ST8SIA5: variants seen among roughly 807,000 people sequenced by gnomAD.
ST8SIA5 encodes ST8 alpha-N-acetyl-neuraminide alpha-2,8-sialyltransferase 5.
In ST8SIA5, 24 loss-of-function variants were observed where a neutral mutation model predicts 40.2. The ratio of observed to expected loss-of-function variants is 0.60; its 90% CI spans 0.43 to 0.84. ST8SIA5 has a LOEUF of 0.84. ST8SIA5 is among the 40% of genes least tolerant of loss of function. The pLI is 0.00. For missense variants in ST8SIA5, 465 were observed against 498.5 expected (o/e 0.93, Z 0.64); for synonymous variants, 198 against 201.8 (o/e 0.98, Z 0.16).
intron 1 of ST8SIA5, among the ~76,000 whole-genome samples, chr18:46,722,570 T>C (rs1182209360): frequency 1.3e-5 from 2 of 152,214 alleles, no homozygotes; most frequent in African/African-American, 4.8e-5. Context: ...TGGTGCCCGC[T>C]TAATTGCCCC....
At chr18:46,745,339 A>G (rs1355549846) in intron 1 of ST8SIA5, among the ~76,000 whole-genome samples, 1 of 152,224 alleles carries the variant, frequency 6.6e-6, no homozygotes, top group Non-Finnish European at 1.5e-5. Flanking sequence ...AAAGAAAAAA[A>G]AGAGAGAAGA....
At chr18:46,686,763 C>T (rs2039452224) in intron 4 of ST8SIA5, among the ~76,000 whole-genome samples, 1 of 148,598 alleles carries the variant, frequency 6.7e-6, no homozygotes, top group African/African-American at 2.5e-5. Flanking sequence ...ACAGGGGCCT[C>T]TCACAGCCAG....
rs1417645798 is a variant in ST8SIA5, at chr18:46,669,698, C to T, written c.*10344G>A. The T allele has an allele frequency of 6.6e-6, 1 of 152,108 alleles. No homozygotes were observed. The highest frequency in any genetic ancestry group is 6.5e-5 in the Admixed American group (1 of 15,276). The allele number at this position is 152,108 out of a possible 1,614,324, so 9.4% of individuals were successfully genotyped here. On this transcript the variant is annotated 3_prime_UTR_variant, in exon 7 of 7. Coordinates refer to ENST00000315087, the MANE Select transcript of ST8SIA5 (RefSeq NM_013305.6). ...AGATGGGAAGGTGGAAGGGGCTTGT[C>T]CCCCCACCACCTGCCCTTTTTTCTT...
intron 1 of ST8SIA5, among the ~76,000 whole-genome samples, chr18:46,743,019 A>T (rs2040102412): frequency 6.6e-6 from 1 of 150,918 alleles, no homozygotes. Context: ...AAATAGCATC[A>T]ACATCAACAA....
At chr18:46,720,217 A>G (rs1250929621) in intron 1 of ST8SIA5, among the ~76,000 whole-genome samples, 1 of 152,036 alleles carries the variant, frequency 6.6e-6, no homozygotes, top group African/African-American at 2.4e-5. Context: ...TTGCTGACTT[A>G]CCTAGACTGC....
At position 46,728,099 on chromosome 18, in the gene ST8SIA5, G is replaced by A. The variant is rs1444785905; in HGVS notation, c.132-23435C>T. Among the ~76,000 whole-genome samples the A allele has an allele frequency of 4.0e-5, 6 of 151,750 alleles. No individual in the cohort carries two copies. The South Asian group carries it at 1.2e-3, about 32-fold the overall frequency. On this transcript the variant is annotated intron_variant, in intron 1 of 6. Coordinates refer to ENST00000315087, the MANE Select transcript of ST8SIA5 (RefSeq NM_013305.6). Reference sequence around the variant, plus strand: ...AGTCCCAGCTACTCAGGAGGCTGAGGCAGGAGAATCGCTTGAACCCAGGAG... The same window carrying A: ...AGTCCCAGCTACTCAGGAGGCTGAGACAGGAGAATCGCTTGAACCCAGGAG...
chr18:46,697,902 T>A (rs548683707), intron 2 of ST8SIA5, among the ~76,000 whole-genome samples: 2 of 152,084 alleles, frequency 1.3e-5, no homozygotes, highest in East Asian at 1.9e-4. Flanking sequence ...GAAAAAAAAA[T>A]GGATACTTCC....
At chr18:46,699,927 G>T (rs1408752131) in intron 2 of ST8SIA5, among the ~76,000 whole-genome samples, 1 of 152,184 alleles carries the variant, frequency 6.6e-6, no homozygotes, top group Non-Finnish European at 1.5e-5. Context: ...TTTGCTCCCA[G>T]CCTCTTTCTT....
rs1826216547 is a variant in ST8SIA5, at chr18:46,679,740, C to T, written c.*302G>A. 6 of 426,036 alleles carry T rather than the reference C, an allele frequency of 1.4e-5. No individual in the cohort carries two copies. In the South Asian group the frequency reaches 1.8e-4, roughly 13 times the overall value. The allele number at this position is 426,036 out of a possible 1,614,324, so 26.4% of individuals were successfully genotyped here. A position where few individuals can be genotyped will look rare whatever the true frequency, so the allele number is the denominator to read the frequency against. ...ATTGGGTGGAAATGTGCTTTATTCACTTGCCGTCCCCAGGGCCCCTGATCT... is the reference window on the plus strand; with the variant it reads ...ATTGGGTGGAAATGTGCTTTATTCATTTGCCGTCCCCAGGGCCCCTGATCT... On this transcript the variant is annotated 3_prime_UTR_variant, in exon 7 of 7. Transcript: ENST00000315087.
chr18:46,686,211 A>G lies in ST8SIA5; in HGVS notation c.532T>C (p.Cys178Arg). 6.2e-7 allele frequency: 1 copy of G among 1,614,166 alleles called. No individual in the cohort carries two copies. The highest frequency in any genetic ancestry group is 2.2e-5 in the East Asian group (1 of 44,876). The change falls in exon 5 of 7, where the codon TGC (cysteine) becomes CGC (arginine). Residue 178 changes from cysteine to arginine, a missense_variant. Physicochemically the swap from Cys to Arg is radical, Grantham distance 180. Coordinates refer to ENST00000315087, the MANE Select transcript of ST8SIA5 (RefSeq NM_013305.6). ...GNGGILKNSR[C>R]GREINSADFV... is the part of the protein sequence containing the mutation. ...TCGGCGCTGTTGATCTCCCTCCCGC[A>G]GCGGCTGTTCTTCAAGATGCCTCCG...
intron 1 of ST8SIA5, among the ~76,000 whole-genome samples, chr18:46,743,364 C>T (rs1187226659): frequency 6.6e-6 from 1 of 152,102 alleles, no homozygotes; most frequent in East Asian, 1.9e-4. Context: ...GTAGAGAAGA[C>T]CTTAAATGAC....
At chr18:46,725,972 A>AAAATATATATATAT (rs59660372) in intron 1 of ST8SIA5, among the ~76,000 whole-genome samples, 1 of 29,090 alleles carries the variant, frequency 3.4e-5, no homozygotes, top group Non-Finnish European at 6.0e-5. Context: ...AAAAAAAAAA[A>AAAATATATATATAT]ATATATATAT....
intron 2 of ST8SIA5, among the ~76,000 whole-genome samples, chr18:46,700,960 C>T (rs1029403715): frequency 3.9e-5 from 6 of 152,020 alleles, no homozygotes; most frequent in African/African-American, 1.4e-4. Flanking sequence ...TGACACTGAA[C>T]AGTGTTTGTG....
chr18:46,724,454 C>T (rs1182225321), intron 1 of ST8SIA5, among the ~76,000 whole-genome samples: 4 of 152,256 alleles, frequency 2.6e-5, no homozygotes, highest in Non-Finnish European at 4.4e-5. Flanking sequence ...GTTCTTAGTC[C>T]ATTCAAAACA....
chr18:46,686,247 C>T lies in ST8SIA5; in HGVS notation c.496G>A (p.Val166Ile), dbSNP rs2039445997. ...YYRSQFKKCA[V>I]VGNGGILKNS... ...TTCAAGATGCCTCCGTTGCCCACTA[C>T]AGCACACTTCTTAAACTGGGACCGG... Residue 166 changes from valine (V) to isoleucine (I), a missense_variant, in exon 5 of 7, where the codon GTA becomes ATA. Transcript: ENST00000315087. 6.2e-7 allele frequency: 1 copy of T among 1,614,190 alleles called. No homozygotes were observed. Among genetic ancestry groups the T allele is most frequent in the Non-Finnish European group, 8.5e-7 (1 of 1,180,020 alleles).
At position 46,710,409 on chromosome 18, in the gene ST8SIA5, TTC is replaced by T. The variant is rs139196666; in HGVS notation, c.132-5747_132-5746del. On this transcript the variant is annotated intron_variant, in intron 1 of 6. Transcript: ENST00000315087. ...TTTCTTTCTTTCTTTCTTTCTTTCT[TTC>T]TTTCTTTTTCTTTCTCTCTCTTTCT... Among the ~76,000 whole-genome samples, 7 of 120,636 alleles carry T rather than the reference TTC, an allele frequency of 5.8e-5. No individual in the cohort carries two copies. The South Asian group carries it at 8.6e-4, about 15-fold the overall frequency. The allele number at this position is 120,636 out of a possible 152,430, so 79.1% of individuals were successfully genotyped here. A position where few individuals can be genotyped will look rare whatever the true frequency, so the allele number is the denominator to read the frequency against.
chr18:46,742,428 C>CTA (rs2040096048), intron 1 of ST8SIA5, among the ~76,000 whole-genome samples: 1 of 149,178 alleles, frequency 6.7e-6, no homozygotes, highest in South Asian at 2.1e-4. Context: ...CAATCAACAA[C>CTA]AAAAAAAAAA....
In ST8SIA5 at chr18:46,677,280, C is replaced by T. The variant is rs1286477547; in HGVS notation, c.*2762G>A. The stretch of plus-strand genomic sequence containing the variant: ...GAGGTTTGGAGCACAGACTTTGGGG[C>T]TCTACAGATCTGGGTGCAGTTCCCT... On this transcript the variant is annotated 3_prime_UTR_variant, in exon 7 of 7. Coordinates refer to ENST00000315087, the MANE Select transcript of ST8SIA5 (RefSeq NM_013305.6). The T allele has an allele frequency of 7.2e-5, 2 of 27,646 alleles. No homozygotes were observed. Among genetic ancestry groups the T allele is most frequent in the African/African-American group, 2.6e-4 (2 of 7,830 alleles). 1.7% of individuals were successfully genotyped at this position (27,646 alleles called of 1,614,324 possible). A position where few individuals can be genotyped will look rare whatever the true frequency, so the allele number is the denominator to read the frequency against.
At chr18:46,689,800 C>T (rs111816001) in intron 3 of ST8SIA5, among the ~76,000 whole-genome samples, 2,874 of 148,722 alleles carry the variant, frequency 0.019, 103 homozygotes, top group African/African-American at 0.068. Context: ...AGGCTGGTCT[C>T]GAACTCCTAA....
Sources: gnomAD v4.1 joint callset for allele counts (sites outside exome capture counted in the v4.1 genomes callset) on GRCh38, gnomAD v4.1.1 for gene constraint, MANE v1.5 for transcripts, NCBI Gene and HGNC (gene_info 2026-07-23, HGNC 2026-07-21) for gene names.